PTPRN2: variants seen among roughly 807,000 people sequenced by gnomAD.
The protein encoded by PTPRN2 is protein tyrosine phosphatase receptor type N2.
PTPRN2 carries 74 observed loss-of-function variants against 118.8 expected under a neutral mutation model. The ratio of observed to expected loss-of-function variants is 0.62; its 90% CI spans 0.52 to 0.76. PTPRN2 has a LOEUF of 0.76. Among genes scored for constraint, PTPRN2 ranks in the 30% least tolerant of loss-of-function variants. The probability of loss-of-function intolerance (pLI) is 0.00; values close to 1 mark genes in which losing one functional copy is unlikely to be tolerated. For missense variants in PTPRN2, 1,481 were observed against 1,394.4 expected (o/e 1.06, Z -0.99); for synonymous variants, 641 against 608.0 (o/e 1.05, Z -0.80).
At position 157,588,261 on chromosome 7, in the gene PTPRN2, A is replaced by AG. The variant is rs570409576; in HGVS notation, c.2496+6976dup. On this transcript the variant is annotated intron_variant, in intron 17 of 22. Coordinates refer to ENST00000389418, the MANE Select transcript of PTPRN2 (RefSeq NM_002847.5). ...CTGCAGCTCTTTCTAAAAATAGGAA[A>AG]GGGGGGATGGCGGGTGGCCAACTCC... Among the ~76,000 whole-genome samples the AG allele has an allele frequency of 5.7e-3, 875 of 152,354 alleles. 11 individuals carry two copies. The highest frequency in any genetic ancestry group is 0.02 in the African/African-American group (822 of 41,586).
chr7:157,748,491 C>CATGCAGTT (rs1554433012), intron 12 of PTPRN2, among the ~76,000 whole-genome samples: 2 of 62,396 alleles, frequency 3.2e-5, no homozygotes, highest in Non-Finnish European at 6.5e-5. Context: ...CCCTGAGCTG[C>CATGCAGTT]GGAGTGTCTG....
At position 157,840,296 on chromosome 7, in the gene PTPRN2, TGTGTGACTGTGTGGCCAC is replaced by T. The variant is rs1187840399; in HGVS notation, c.1788+58359_1788+58376del. 1.6e-4 allele frequency among the ~76,000 whole-genome samples: 20 copies of T among 128,234 alleles called. No individual in the cohort carries two copies. In the East Asian group the frequency reaches 3.4e-3, roughly 22 times the overall value. 84.1% of individuals were successfully genotyped at this position (128,234 alleles called of 152,430 possible). The stretch of plus-strand genomic sequence containing the variant: ...GCGTGTGACTGTGTGACCGTGTGAC[TGTGTGACTGTGTGGCCAC>T]GTGTGACTGTGTGACCGCGTGTGAC... On this transcript the variant is annotated intron_variant, in intron 12 of 22. Coordinates refer to ENST00000389418, the MANE Select transcript of PTPRN2 (RefSeq NM_002847.5).
intron 2 of PTPRN2, among the ~76,000 whole-genome samples, chr7:158,330,941 G>A (rs72505559): frequency 9.3e-5 from 2 of 21,568 alleles, no homozygotes; most frequent in African/African-American, 1.9e-4. Context: ...ACACTCTCAC[G>A]ATAAGAGCTG....
At chr7:157,790,409 G>A (rs1804413044) in intron 12 of PTPRN2, among the ~76,000 whole-genome samples, 2 of 152,128 alleles carry the variant, frequency 1.3e-5, no homozygotes, top group East Asian at 3.9e-4. Context: ...CAAGCAATCT[G>A]GGGGCACAGG....
intron 1 of PTPRN2, chr7:158,532,595 A>G (rs1219597250): frequency 4.7e-6 from 2 of 425,120 alleles, no homozygotes; most frequent in Non-Finnish European, 9.5e-6. Context: ...AGGAAAAAAC[A>G]TGGGTAAAAA....
At chr7:157,739,187 G>A (rs796411644) in intron 12 of PTPRN2, 5 of 152,358 alleles carry the variant, frequency 3.3e-5, no homozygotes, top group African/African-American at 9.6e-5. Flanking sequence ...AATCCTCCAT[G>A]TTCCGGAGAT....
chr7:158,479,954 G>C (rs1238404341), intron 2 of PTPRN2, among the ~76,000 whole-genome samples: 1 of 152,240 alleles, frequency 6.6e-6, no homozygotes, highest in Non-Finnish European at 1.5e-5. Flanking sequence ...TGCAACAACT[G>C]AGCCACTGGT....
chr7:158,034,520 A>G (rs975225518), intron 11 of PTPRN2, among the ~76,000 whole-genome samples: 3 of 151,858 alleles, frequency 2.0e-5, no homozygotes, highest in Admixed American at 6.6e-5. Flanking sequence ...GTAAGACGGG[A>G]CTTGCTCCTC....
intron 11 of PTPRN2, among the ~76,000 whole-genome samples, chr7:158,002,622 AGAG>A (rs1250333435): frequency 5.3e-5 from 8 of 152,158 alleles, no homozygotes; most frequent in African/African-American, 1.9e-4. Context: ...TGAGGGGTGA[AGAG>A]GAGGATGTGA....
In PTPRN2 at chr7:157,619,427, C is replaced by G. The variant is rs1255984124; in HGVS notation, c.2344+1935G>C. Among the ~76,000 whole-genome samples the G allele has an allele frequency of 6.6e-6, 1 of 152,152 alleles. No homozygotes were observed. The highest frequency in any genetic ancestry group is 1.5e-5 in the Non-Finnish European group (1 of 68,020). On this transcript the variant is annotated intron_variant, in intron 15 of 22. Transcript: ENST00000389418. The surrounding 1 kb of genome is among the most constrained non-coding windows in gnomAD (Gnocchi z 5.3). ...CCACACCGGCTTCACTCCCCGCCCT[C>G]TCCTCCCCCAGGCTGCTCCTCTCTG...
At chr7:157,559,438 C>T (rs1054199290) in intron 21 of PTPRN2, among the ~76,000 whole-genome samples, 3 of 151,962 alleles carry the variant, frequency 2.0e-5, no homozygotes, top group Non-Finnish European at 2.9e-5. Context: ...GGGGGCTGGA[C>T]GAGCAGAGGA....
At position 158,022,870 on chromosome 7, in the gene PTPRN2, C is replaced by T. The variant is rs1806999144; in HGVS notation, c.1723+58428G>A. ...AGACAATATCCCTGGACCTTAGAAA[C>T]CTCAATGATCAAGAGTAGCGTTTCC... On this transcript the variant is annotated intron_variant, in intron 11 of 22. Coordinates refer to ENST00000389418, the MANE Select transcript of PTPRN2 (RefSeq NM_002847.5). This position sits in a 1 kb window ranked among gnomAD's most constrained non-coding sequence, Gnocchi z 4.6. Among the ~76,000 whole-genome samples the T allele has an allele frequency of 6.6e-6, 1 of 152,184 alleles. No homozygotes were observed. Among genetic ancestry groups the T allele is most frequent in the South Asian group, 2.1e-4 (1 of 4,830 alleles).
intron 12 of PTPRN2, among the ~76,000 whole-genome samples, chr7:157,745,358 G>C (rs955865743): frequency 2.6e-5 from 4 of 152,044 alleles, no homozygotes; most frequent in African/African-American, 9.7e-5. Flanking sequence ...TGCTCCAGAC[G>C]AACGCAAGGC....
Position 158,167,121 on chromosome 7 carries a change from G to C in PTPRN2, c.720C>G (p.His240Gln). Residue 240 changes from histidine (H) to glutamine (Q), a missense_variant, in exon 6 of 23, where the codon CAC (histidine) becomes CAG (glutamine). By Grantham distance (24) the His-to-Gln change is conservative. Transcript: ENST00000389418. ...SPKVDSGVDR[H>Q]HLMAALSAYA... Reference sequence around the variant, plus strand: ...AGGCACTGAGGGCCGCCATCAGATGGTGTCTGTCCACACCACTGTCCACCT... The same window carrying C: ...AGGCACTGAGGGCCGCCATCAGATGCTGTCTGTCCACACCACTGTCCACCT... 6.2e-7 allele frequency: 1 copy of C among 1,613,880 alleles called. No homozygotes were observed. Among genetic ancestry groups the C allele is most frequent in the South Asian group, 1.1e-5 (1 of 91,066 alleles).
chr7:157,683,092 C>G (rs1196846955), intron 12 of PTPRN2, among the ~76,000 whole-genome samples, 155 bp from the exon 13 acceptor site: 1 of 152,202 alleles, frequency 6.6e-6, no homozygotes, highest in African/African-American at 2.4e-5. Flanking sequence ...GCGGAACAAC[C>G]CCCGTCAAAG....
chr7:158,394,871 A>ACTGC (rs1231160614), intron 2 of PTPRN2, among the ~76,000 whole-genome samples: 2 of 152,066 alleles, frequency 1.3e-5, no homozygotes, highest in African/African-American at 4.8e-5. Flanking sequence ...CCCAAAAGAG[A>ACTGC]CCGAATCGTC....
rs1806223174 is a variant in PTPRN2 at position 157,813,977 on chromosome 7, T to TGG, written c.1788+84695_1788+84696insCC. ...GCGGTTTGTGGTGCTTTGGAGGAGTTTGCTCCTTAGAGTGAGGGGGATTGT... is the reference window on the plus strand; with the variant it reads ...GCGGTTTGTGGTGCTTTGGAGGAGTTGGTGCTCCTTAGAGTGAGGGGGATTGT... On this transcript the variant is annotated intron_variant, in intron 12 of 22. Transcript: ENST00000389418. The surrounding 1 kb of genome is among the most constrained non-coding windows in gnomAD (Gnocchi z 4.7). Among the ~76,000 whole-genome samples, 1 of 152,248 alleles carries TGG rather than the reference T, an allele frequency of 6.6e-6. No homozygotes were observed. Among genetic ancestry groups the TGG allele is most frequent in the Admixed American group, 6.5e-5 (1 of 15,292 alleles).
intron 4 of PTPRN2, among the ~76,000 whole-genome samples, chr7:158,193,948 T>G (rs1409411583): frequency 6.8e-6 from 1 of 146,878 alleles, no homozygotes; most frequent in Non-Finnish European, 1.5e-5. Flanking sequence ...GAGGCCGGCA[T>G]GGGGGCTCGC....
intron 20 of PTPRN2, among the ~76,000 whole-genome samples, chr7:157,571,202 T>TA (rs56184271): frequency 0.055 from 7,070 of 129,322 alleles, 560 homozygotes; most frequent in African/African-American, 0.16. Context: ...GCAACAGAGT[T>TA]AAAAAAAAAA....
Sources: gnomAD v4.1 joint callset for allele counts (sites outside exome capture counted in the v4.1 genomes callset) on GRCh38, gnomAD v4.1.1 for gene constraint, Gnocchi (gnomAD v3.1) non-coding constraint, MANE v1.5 for transcripts, NCBI Gene and HGNC (gene_info 2026-07-23, HGNC 2026-07-21) for gene names.